The following ERICH3 variants were observed in gnomAD, a reference collection of about 807,000 sequenced individuals.
The protein encoded by ERICH3 is glutamate rich 3.
ERICH3 carries 126 observed loss-of-function variants against 131.1 expected under a neutral mutation model. That is an observed-to-expected ratio of 0.96 (90% CI 0.83 to 1.11). ERICH3 has a LOEUF of 1.11. ERICH3 is among the 50% of genes most tolerant of loss of function. The probability of loss-of-function intolerance (pLI) is 0.00; values close to 1 mark genes in which losing one functional copy is unlikely to be tolerated. For missense variants in ERICH3, 2,050 were observed against 1,810.7 expected (o/e 1.13, Z -2.40); for synonymous variants, 695 against 644.6 (o/e 1.08, Z -1.18).
Position 74,646,889 on chromosome 1 carries a change from G to GACACACACAC in ERICH3, c.118-107_118-98dup, listed in dbSNP as rs141577300. ...GGCTGGAGGGTGGAGAAGACAGACA[G>GACACACACAC]ACACACACACACACACACACACACA... On this transcript the variant is annotated intron_variant, in intron 2 of 14. Coordinates refer to ENST00000326665, the MANE Select transcript of ERICH3 (RefSeq NM_001002912.5). 6.8e-3 allele frequency: 1,685 copies of GACACACACAC among 247,728 alleles called. 21 individuals are homozygous for GACACACACAC. Among genetic ancestry groups the GACACACACAC allele is most frequent in the Admixed American group, 0.023 (407 of 17,766 alleles). The allele number at this position is 247,728 out of a possible 1,614,324, so 15.3% of individuals were successfully genotyped here.
At chr1:74,610,741 A>G (rs927866504) in intron 9 of ERICH3, among the ~76,000 whole-genome samples, 1 of 151,664 alleles carries the variant, frequency 6.6e-6, no homozygotes, top group East Asian at 1.9e-4. Context: ...TTCTCCAACT[A>G]TTTTTTAAAC....
rs968491806 is a variant in ERICH3 at position 74,579,607 on chromosome 1, C to CTTCA, written c.2177-2675_2177-2672dup. The CTTCA allele has an allele frequency of 9.1e-6, 9 of 985,234 alleles. No individual in the cohort carries two copies. In the African/African-American group the frequency reaches 1.6e-4, roughly 17 times the overall value. The allele number at this position is 985,234 out of a possible 1,614,324, so 61.0% of individuals were successfully genotyped here. On this transcript the variant is annotated intron_variant, in intron 12 of 14. Transcript: ENST00000326665. Reference sequence around the variant, plus strand: ...TTACTAGGTGTGAAACCAGAAAAGGCTTCACTTGGTCGTTTTTTCTCAGAT... The same window carrying CTTCA: ...TTACTAGGTGTGAAACCAGAAAAGGCTTCATTCACTTGGTCGTTTTTTCTCAGAT...
At position 74,568,945 on chromosome 1, in the gene ERICH3, A is replaced by G. The variant is rs1646903941; in HGVS notation, c.*1513T>C. ...AGTAGGTAGGAGACAAAGGCTGGGAACAATTTCCAGGTGATGCTGATGTGC... is the reference window on the plus strand; with the variant it reads ...AGTAGGTAGGAGACAAAGGCTGGGAGCAATTTCCAGGTGATGCTGATGTGC... On this transcript the variant is annotated 3_prime_UTR_variant, in exon 15 of 15. Transcript: ENST00000326665. 6.6e-6 allele frequency: 1 copy of G among 152,188 alleles called. No individual in the cohort carries two copies. Among genetic ancestry groups the G allele is most frequent in the Non-Finnish European group, 1.5e-5 (1 of 68,026 alleles). 9.4% of individuals were successfully genotyped at this position (152,188 alleles called of 1,614,324 possible).
chr1:74,583,525 T>C (rs1214004787), intron 12 of ERICH3, among the ~76,000 whole-genome samples: 1 of 152,074 alleles, frequency 6.6e-6, no homozygotes, highest in Non-Finnish European at 1.5e-5. Context: ...CTTATTATAC[T>C]GTACTCACCT....
intron 11 of ERICH3, 73 bp from the exon 12 acceptor site, chr1:74,590,153 G>A: frequency 1.6e-6 from 2 of 1,268,586 alleles, no homozygotes; most frequent in Non-Finnish European, 2.1e-6. Context: ...AATTATGTTA[G>A]CAATTAATAA....
At chr1:74,635,418 C>T (rs1396664738) in intron 6 of ERICH3, among the ~76,000 whole-genome samples, 1 of 152,118 alleles carries the variant, frequency 6.6e-6, no homozygotes, top group Non-Finnish European at 1.5e-5. Flanking sequence ...TATACTTTTA[C>T]TGTGAAACAC....
chr1:74,577,967 C>G (rs1647099218), intron 12 of ERICH3: 1 of 152,034 alleles, frequency 6.6e-6, no homozygotes, highest in Admixed American at 6.6e-5. Flanking sequence ...GGGACAGAAG[C>G]AAAAAAGCTA....
chr1:74,663,246 A>G (rs1195773116), intron 1 of ERICH3, among the ~76,000 whole-genome samples: 1 of 152,176 alleles, frequency 6.6e-6, no homozygotes, highest in East Asian at 1.9e-4. Context: ...ACAGCATCTA[A>G]TTTAACCATA....
At chr1:74,594,020 G>A (rs1313566742) in intron 11 of ERICH3, among the ~76,000 whole-genome samples, 1 of 152,016 alleles carries the variant, frequency 6.6e-6, no homozygotes, top group Non-Finnish European at 1.5e-5. Flanking sequence ...CTCATGAAAT[G>A]TGTAGTCTGT....
At chr1:74,666,649 T>G (rs984325752) in intron 1 of ERICH3, among the ~76,000 whole-genome samples, 1 of 152,204 alleles carries the variant, frequency 6.6e-6, no homozygotes, top group South Asian at 2.1e-4. Context: ...AAGAGAGTGA[T>G]TTTAGAGCTT....
At chr1:74,672,465 G>A (rs139884326) in intron 1 of ERICH3, among the ~76,000 whole-genome samples, 11 of 152,130 alleles carry the variant, frequency 7.2e-5, no homozygotes, top group East Asian at 1.9e-4. Flanking sequence ...TTTCATTTAC[G>A]CCATTACACT....
intron 8 of ERICH3, among the ~76,000 whole-genome samples, chr1:74,618,954 T>C (rs1207921618): frequency 6.6e-6 from 1 of 152,232 alleles, no homozygotes; most frequent in African/African-American, 2.4e-5. Flanking sequence ...AAGGGCAGAT[T>C]CTTTTCAGTC....
rs768092192 is a variant in ERICH3, at chr1:74,572,019, CAG to C, written c.3689_3690del (p.Pro1230ArgfsTer29). 6.2e-7 allele frequency: 1 copy of C among 1,614,144 alleles called. No individual in the cohort carries two copies. Among genetic ancestry groups the C allele is most frequent in the Admixed American group, 1.7e-5 (1 of 60,036 alleles). ...EAEPAGKVQA[P>X]EGLIPATGQA... ...TGGCCTGTGGCTGGGATCAGCCCCT[CAG>C]GGGCCTGCACCTTTCCTGCTGGCTC... On this transcript the variant is annotated frameshift_variant, in exon 14 of 15. Coordinates refer to ENST00000326665, the MANE Select transcript of ERICH3 (RefSeq NM_001002912.5). LOFTEE classifies it high-confidence loss of function.
At chr1:74,635,042 A>G (rs1646376084) in intron 6 of ERICH3, among the ~76,000 whole-genome samples, 1 of 152,084 alleles carries the variant, frequency 6.6e-6, no homozygotes, top group African/African-American at 2.4e-5. Flanking sequence ...CCTGAATATC[A>G]TTGAGTTGCC....
intron 6 of ERICH3, among the ~76,000 whole-genome samples, chr1:74,632,314 G>A (rs1002775020): frequency 3.9e-5 from 6 of 151,936 alleles, no homozygotes; most frequent in African/African-American, 1.4e-4. Flanking sequence ...TCTTATTTCA[G>A]GCATCTAGGT....
chr1:74,620,618 C>A, intron 8 of ERICH3, 116 bp downstream of exon 8: 1 of 870,438 alleles, frequency 1.1e-6, no homozygotes, highest in Non-Finnish European at 1.7e-6. Context: ...GTTTATAAGT[C>A]CCTGGATATG....
chr1:74,628,505 T>C (rs142016843), intron 7 of ERICH3, among the ~76,000 whole-genome samples: 1 of 152,306 alleles, frequency 6.6e-6, no homozygotes, highest in African/African-American at 2.4e-5. Context: ...GAATACAGTA[T>C]ATAATACAAA....
intron 11 of ERICH3, among the ~76,000 whole-genome samples, chr1:74,592,941 C>T (rs696693): frequency 0.05 from 7,647 of 151,966 alleles, 234 homozygotes; most frequent in South Asian, 0.13. Flanking sequence ...AAAGCAAATG[C>T]TTATATTAAA....
At position 74,571,245 on chromosome 1, in the gene ERICH3, C is replaced by A. The variant is rs1238788769; in HGVS notation, c.4465G>T (p.Glu1489Ter). Residue 1489 changes from glutamate (E) to a stop codon, truncating the protein, a stop_gained, in exon 14 of 15, where the codon GAG becomes TAG. Transcript: ENST00000326665. LOFTEE classifies it high-confidence loss of function. Reference protein sequence around the residue: ...SREGERELSPESLQAMATLPV... With the variant: ...SREGERELSP ...AGTGTTGCCATCGCCTGTAGACTCT[C>A]CGGACTCAATTCCCTCTCTCCCTCC... is the stretch of plus-strand genomic sequence containing the variant. 2.5e-6 allele frequency: 4 copies of A among 1,614,122 alleles called. No individual in the cohort carries two copies. Among genetic ancestry groups the A allele is most frequent in the Non-Finnish European group, 3.4e-6 (4 of 1,180,012 alleles).
Sources: allele counts gnomAD v4.1 joint callset (sites outside exome capture counted in the v4.1 genomes callset), GRCh38; gene constraint gnomAD v4.1.1; transcripts MANE v1.5; gene names NCBI Gene and HGNC (gene_info 2026-07-23, HGNC 2026-07-21).